NDE1: variants seen among roughly 807,000 people sequenced by gnomAD.
NDE1 encodes the protein nuclear distribution protein nudE homolog 1.
Under a neutral mutation model 43.4 loss-of-function variants are expected in NDE1, and 28 were observed. The ratio of observed to expected loss-of-function variants is 0.65; its 90% CI spans 0.48 to 0.89. The LOEUF is 0.89. NDE1 is among the 40% of genes least tolerant of loss of function. The pLI, the probability that NDE1 is intolerant of heterozygous loss-of-function variation, is 0.00. For missense variants in NDE1, 441 were observed against 434.1 expected (o/e 1.02, Z -0.14); for synonymous variants, 184 against 172.0 (o/e 1.07, Z -0.55).
intron 8 of NDE1, among the ~76,000 whole-genome samples, chr16:15,706,181 A>G (rs1363303626): frequency 6.6e-6 from 1 of 151,660 alleles, no homozygotes; most frequent in Non-Finnish European, 1.5e-5. Context: ...CAAAGTAAAC[A>G]CTCCTAGCCC....
rs199584024 is a variant in NDE1, at chr16:15,699,780, G to A, written c.947+2920G>A. ...AGCCGCCTTCACACATGTCTTCATCGCCGCTGCCGTCAGCCCAGGGGGTAG... is the reference window on the plus strand; with the variant it reads ...AGCCGCCTTCACACATGTCTTCATCACCGCTGCCGTCAGCCCAGGGGGTAG... On this transcript the variant is annotated intron_variant, in intron 8 of 8. Transcript: ENST00000396354. The A allele has an allele frequency of 1.0e-3, 1,396 of 1,351,556 alleles. 9 individuals are homozygous for A. Among genetic ancestry groups the A allele is most frequent in the Admixed American group, 2.0e-3 (103 of 52,502 alleles). The allele number at this position is 1,351,556 out of a possible 1,614,324, so 83.7% of individuals were successfully genotyped here.
intron 7 of NDE1, chr16:15,694,813 G>T (rs2038931676): frequency 8.1e-6 from 8 of 985,362 alleles, no homozygotes; most frequent in Non-Finnish European, 8.4e-6. Context: ...TTTCCTCTAG[G>T]AAATTTGGGA....
At chr16:15,681,581 G>A (rs1441969055) in intron 4 of NDE1, among the ~76,000 whole-genome samples, 1 of 151,912 alleles carries the variant, frequency 6.6e-6, no homozygotes. Flanking sequence ...TTTAAAATTG[G>A]GTTGTTCGTT....
At chr16:15,686,305 A>G (rs904041925) in intron 4 of NDE1, 3 of 899,332 alleles carry the variant, frequency 3.3e-6, no homozygotes, top group African/African-American at 1.8e-5. Context: ...GAAGGTTACT[A>G]TTACTATCCT....
At chr16:15,695,582 T>C (rs991749463) in intron 7 of NDE1, 11 of 985,144 alleles carry the variant, frequency 1.1e-5, no homozygotes, top group Admixed American at 6.2e-5. Context: ...AGGGATCCTT[T>C]TGTGCTTAAG....
rs1219815903 is a variant in NDE1, at chr16:15,720,258, C to G, written c.948-3933C>G. The G allele has an allele frequency of 4.3e-6, 7 of 1,614,156 alleles. No homozygotes were observed. Among genetic ancestry groups the G allele is most frequent in the Non-Finnish European group, 5.9e-6 (7 of 1,180,026 alleles). On this transcript the variant is annotated intron_variant, in intron 8 of 8. Coordinates refer to ENST00000396354, the MANE Select transcript of NDE1 (RefSeq NM_017668.3). ...CCTTCCAGCTTCTTCTTTGCTGCAG[C>G]TGCCAGGGCACGTTGCTTTCGCTCG...
chr16:15,678,872 C>T (rs1171823942), intron 4 of NDE1, among the ~76,000 whole-genome samples: 6 of 151,956 alleles, frequency 3.9e-5, no homozygotes, highest in Non-Finnish European at 7.4e-5. Context: ...GTCAGGAGAT[C>T]GAGACCATCC....
At chr16:15,659,194 C>T (rs1002357324) in intron 1 of NDE1, among the ~76,000 whole-genome samples, 1 of 152,098 alleles carries the variant, frequency 6.6e-6, no homozygotes. Flanking sequence ...TTAGGCCCAC[C>T]TCTGTCATTG....
intron 8 of NDE1, chr16:15,702,098 C>T (rs1269719754): frequency 2.0e-5 from 3 of 152,154 alleles, no homozygotes; most frequent in African/African-American, 7.2e-5. Context: ...TCATTCAAGG[C>T]ATATTAGCAT....
rs1384372336 is a variant in NDE1 at position 15,717,228 on chromosome 16, C to T, written c.948-6963C>T. 1.2e-6 allele frequency: 2 copies of T among 1,614,076 alleles called. No individual in the cohort carries two copies. Among genetic ancestry groups the T allele is most frequent in the Non-Finnish European group, 1.7e-6 (2 of 1,180,050 alleles). On this transcript the variant is annotated intron_variant, in intron 8 of 8. Transcript: ENST00000396354. ...GACTTGAACTTGGACTTGACGGCCCCCTCCATCTCGTGGAGCTTGCTCCGG... is the reference window on the plus strand; with the variant it reads ...GACTTGAACTTGGACTTGACGGCCCTCTCCATCTCGTGGAGCTTGCTCCGG...
chr16:15,673,217 T>G (rs1187110147), intron 3 of NDE1, among the ~76,000 whole-genome samples: 1 of 151,962 alleles, frequency 6.6e-6, no homozygotes, highest in Non-Finnish European at 1.5e-5. Context: ...GTGTTTTCGG[T>G]TTTGATTTTT....
chr16:15,658,212 C>G (rs1418627311), intron 1 of NDE1, among the ~76,000 whole-genome samples: 2 of 152,220 alleles, frequency 1.3e-5, no homozygotes, highest in Non-Finnish European at 2.9e-5. Context: ...CAGCTTCAGG[C>G]TTACCTTACC....
intron 8 of NDE1, chr16:15,715,397 C>T (rs2040071330): frequency 1.2e-6 from 1 of 822,316 alleles, no homozygotes. Context: ...TCTCAAGAAT[C>T]AGTCAGATGG....
intron 7 of NDE1, chr16:15,695,575 G>T (rs1392636656): frequency 2.0e-6 from 2 of 984,708 alleles, no homozygotes; most frequent in Non-Finnish European, 2.4e-6. Context: ...TACAGGGAGG[G>T]ATCCTTTTGT....
intron 8 of NDE1, among the ~76,000 whole-genome samples, chr16:15,708,650 G>A (rs1204658035): frequency 1.3e-5 from 2 of 152,190 alleles, no homozygotes; most frequent in African/African-American, 2.4e-5. Context: ...TTCAATGAAA[G>A]CTTTGCACAA....
chr16:15,685,246 G>A (rs895713344), intron 4 of NDE1, among the ~76,000 whole-genome samples: 2 of 152,034 alleles, frequency 1.3e-5, no homozygotes, highest in African/African-American at 4.8e-5. Context: ...GTTGTTGGTA[G>A]TAGTGTGTTT....
chr16:15,672,270 T>G (rs2037635278), intron 3 of NDE1, among the ~76,000 whole-genome samples: 1 of 151,932 alleles, frequency 6.6e-6, no homozygotes, highest in African/African-American at 2.4e-5. Context: ...CCGTCTCTAC[T>G]AAAAATAAAA....
rs1278184243 is a variant in NDE1 at position 15,650,294 on chromosome 16, G to A, written c.-44G>A. The A allele has an allele frequency of 3.3e-6, 1 of 304,776 alleles. No homozygotes were observed. The highest frequency in any genetic ancestry group is 6.7e-6 in the Non-Finnish European group (1 of 148,374). The allele number at this position is 304,776 out of a possible 1,614,324, so 18.9% of individuals were successfully genotyped here. ...GCGTTGGCCTCGCCGCCCCTGCTCG[G>A]GTAAGTGAGGCGCTGCGCGGGGCTG... On this transcript the variant is annotated splice_region_variant and 5_prime_UTR_variant, in exon 1 of 9. Transcript: ENST00000396354.
At chr16:15,721,250 G>T in intron 8 of NDE1, 1 of 945,300 alleles carries the variant, frequency 1.1e-6, no homozygotes, top group Non-Finnish European at 1.6e-6. Context: ...ACCCATCCTC[G>T]ACTGCCATTC....
Sources: allele counts gnomAD v4.1 joint callset (sites outside exome capture counted in the v4.1 genomes callset), GRCh38; gene constraint gnomAD v4.1.1; transcripts MANE v1.5; gene names NCBI Gene and HGNC (gene_info 2026-07-23, HGNC 2026-07-21).